Variants in SLC2A9 observed in about 807,000 individuals in gnomAD.
The protein encoded by SLC2A9 is solute carrier family 2, facilitated glucose transporter member 9.
SLC2A9 carries 39 observed loss-of-function variants against 50.6 expected under a neutral mutation model. The observed-to-expected ratio is 0.77, with a 90% CI of 0.60 to 1.01. The LOEUF (loss-of-function observed/expected upper bound fraction) is 1.01, where lower values mean the gene tolerates loss of function less well. Among genes scored for constraint, SLC2A9 ranks in the 50% least tolerant of loss-of-function variants. The probability of loss-of-function intolerance (pLI) is 0.00; values close to 1 mark genes in which losing one functional copy is unlikely to be tolerated. For missense variants in SLC2A9, 686 were observed against 677.6 expected (o/e 1.01, Z -0.14); for synonymous variants, 324 against 276.9 (o/e 1.17, Z -1.69).
intron 10 of SLC2A9, among the ~76,000 whole-genome samples, chr4:9,855,248 C>T (rs1291332421): frequency 6.6e-6 from 1 of 152,180 alleles, no homozygotes; most frequent in Non-Finnish European, 1.5e-5. Context: ...ATCTGATAAA[C>T]AACTTTAACA....
intron 7 of SLC2A9, among the ~76,000 whole-genome samples, chr4:9,913,387 TAAAG>T (rs1742248625): frequency 1.5e-5 from 2 of 135,062 alleles, no homozygotes; most frequent in East Asian, 2.3e-4. Flanking sequence ...TAGAGAGAGA[TAAAG>T]AGAGAAACAG....
intron 11 of SLC2A9, 36 bp from the exon 12 acceptor site, chr4:9,826,636 T>C (rs1725179619): frequency 6.3e-7 from 1 of 1,591,294 alleles, no homozygotes; most frequent in Non-Finnish European, 8.6e-7. Flanking sequence ...CTCAAATAGA[T>C]AATCAGTAAA....
At chr4:9,939,192 G>C (rs1049945676) in intron 6 of SLC2A9, among the ~76,000 whole-genome samples, 2 of 152,146 alleles carry the variant, frequency 1.3e-5, no homozygotes, top group African/African-American at 4.8e-5. Flanking sequence ...GCATTGAACA[G>C]AGCTAAGGCC....
chr4:9,969,604 A>C (rs1489586251), intron 5 of SLC2A9, among the ~76,000 whole-genome samples: 1 of 152,142 alleles, frequency 6.6e-6, no homozygotes, highest in Non-Finnish European at 1.5e-5. Flanking sequence ...CATACCTGAG[A>C]CTGGGTAATT....
At chr4:9,976,674 T>C (rs1408899378) in intron 5 of SLC2A9, among the ~76,000 whole-genome samples, 2 of 152,196 alleles carry the variant, frequency 1.3e-5, no homozygotes, top group African/African-American at 4.8e-5. Context: ...TAGGAACCAA[T>C]GGTACACCTT....
At chr4:9,954,124 G>T (rs114557276) in intron 5 of SLC2A9, among the ~76,000 whole-genome samples, 108 of 152,306 alleles carry the variant, frequency 7.1e-4, no homozygotes, top group Non-Finnish European at 1.1e-3. Flanking sequence ...TTTTTGTAGA[G>T]ATGAGGTTTT....
chr4:9,920,105 C>T (rs951540304), intron 7 of SLC2A9, among the ~76,000 whole-genome samples: 9 of 152,194 alleles, frequency 5.9e-5, no homozygotes, highest in African/African-American at 2.2e-4. Context: ...TTAGACATGT[C>T]TAGGAATAAT....
chr4:9,848,588 C>T (rs926201801), intron 10 of SLC2A9, among the ~76,000 whole-genome samples: 1 of 152,142 alleles, frequency 6.6e-6, no homozygotes, highest in Non-Finnish European at 1.5e-5. Context: ...TGTTGCTTGC[C>T]CCATAGCCAA....
At chr4:9,823,254 G>A (rs971370612), downstream of SLC2A9, among the ~76,000 whole-genome samples, 2 of 152,140 alleles carry the variant, frequency 1.3e-5, no homozygotes, top group African/African-American at 4.8e-5. Flanking sequence ...TCAGGAATTA[G>A]GAAAGGAGAC....
In SLC2A9 at chr4:10,029,594, A is replaced by ATTTTATTTTATT. The variant is rs1553917299; in HGVS notation, c.-40-3589_-40-3588insAATAAAATAAAA. On this transcript the variant is annotated intron_variant, in intron 1 of 12. Coordinates refer to the SLC2A9 transcript ENST00000309065. ...ATTTTATATTTTTATTTTATTTTAT[A>ATTTTATTTTATT]TTATTTTATTTTATTTTATTTTAAT... Among the ~76,000 whole-genome samples, 625 of 129,818 alleles carry ATTTTATTTTATT rather than the reference A, an allele frequency of 4.8e-3. 4 individuals carry two copies. Among genetic ancestry groups the ATTTTATTTTATT allele is most frequent in the African/African-American group, 0.013 (476 of 37,000 alleles). 85.2% of individuals were successfully genotyped at this position (129,818 alleles called of 152,430 possible).
At chr4:9,877,992 G>T (rs1734567638) in intron 10 of SLC2A9, among the ~76,000 whole-genome samples, 1 of 152,088 alleles carries the variant, frequency 6.6e-6, no homozygotes. Flanking sequence ...GAGAGTGCCA[G>T]CCCCCTTCCT....
intron 2 of SLC2A9, among the ~76,000 whole-genome samples, chr4:10,004,038 G>A (rs1159693146): frequency 6.6e-6 from 1 of 152,200 alleles, no homozygotes; most frequent in Non-Finnish European, 1.5e-5. Context: ...CCAGTGAGCA[G>A]GGATCCAGAG....
intron 8 of SLC2A9, among the ~76,000 whole-genome samples, chr4:9,894,614 C>T (rs1208950973): frequency 6.6e-6 from 1 of 152,190 alleles, no homozygotes; most frequent in Non-Finnish European, 1.5e-5. Context: ...CCCATACTGG[C>T]AATTTTTCAT....
At chr4:9,837,466 C>A (rs547875511) in intron 10 of SLC2A9, among the ~76,000 whole-genome samples, 1 of 152,338 alleles carries the variant, frequency 6.6e-6, no homozygotes, top group East Asian at 1.9e-4. Flanking sequence ...GTTTCACTTT[C>A]TGTGTCTTTC....
Position 9,834,908 on chromosome 4 carries a change from A to G in SLC2A9, c.1392T>C (p.Ala464=), listed in dbSNP as rs886059752. The change falls in exon 11 of 12, where the codon GCT becomes GCC. Residue 464 remains alanine, a synonymous_variant. Transcript: ENST00000264784. ...AGTVNWLSNF[A]VGLLFPFIQK... ...GAATGAATGGGAAGAGGAGCCCAACAGCAAAGTTGGAGAGCCAGTTGACGG... is the reference window on the plus strand; with the variant it reads ...GAATGAATGGGAAGAGGAGCCCAACGGCAAAGTTGGAGAGCCAGTTGACGG... 1.2e-6 allele frequency: 2 copies of G among 1,614,208 alleles called. No individual in the cohort carries two copies. Among genetic ancestry groups the G allele is most frequent in the Non-Finnish European group, 1.7e-6 (2 of 1,180,048 alleles).
chr4:9,784,143 G>C (rs113678207), intron 3 of SLC2A9: 37 of 154,694 alleles, frequency 2.4e-4, no homozygotes, highest in African/African-American at 7.9e-4. Flanking sequence ...TTTACAGTTT[G>C]GCCTTAAAGA....
chr4:9,980,816 G>T, intron 4 of SLC2A9, 79 bp from the exon 5 acceptor site: 1 of 1,586,400 alleles, frequency 6.3e-7, no homozygotes, highest in East Asian at 2.2e-5. Flanking sequence ...GCCTCTCTTG[G>T]CTCTGCTTTG....
intron 8 of SLC2A9, among the ~76,000 whole-genome samples, chr4:9,900,478 G>A (rs549053269): frequency 2.0e-5 from 3 of 152,202 alleles, no homozygotes; most frequent in Non-Finnish European, 2.9e-5. Flanking sequence ...CTTGGGGTGG[G>A]TGGGAGTGGA....
At chr4:10,014,022 C>T (rs1034292492) in intron 2 of SLC2A9, among the ~76,000 whole-genome samples, 1 of 152,184 alleles carries the variant, frequency 6.6e-6, no homozygotes, top group Non-Finnish European at 1.5e-5. Flanking sequence ...CTCTTCTGTT[C>T]CAAGGGTTTC....
Sources: allele counts gnomAD v4.1 joint callset (sites outside exome capture counted in the v4.1 genomes callset), GRCh38; gene constraint gnomAD v4.1.1; transcripts MANE v1.5; gene names NCBI Gene and HGNC (gene_info 2026-07-23, HGNC 2026-07-21).